PRELID2: variants seen among roughly 807,000 people sequenced by gnomAD.
PRELID2 encodes PRELI domain containing 2, also known as PRELI domain-containing protein 2.
Under a neutral mutation model 28.4 loss-of-function variants are expected in PRELID2, and 25 were observed. The observed-to-expected ratio is 0.88, with a 90% confidence interval of 0.64 to 1.23. The LOEUF (loss-of-function observed/expected upper bound fraction) is 1.23, where lower values mean the gene tolerates loss of function less well. Ranked by LOEUF, PRELID2 falls within the 50% of genes most tolerant of loss-of-function variation. The pLI is 0.00. For synonymous variants in PRELID2, 76 were observed against 71.6 expected (o/e 1.06, Z -0.31); for missense variants, 201 against 214.4 (o/e 0.94, Z 0.39).
chr5:145,426,807 T>G, the PRELID2 span, among the ~76,000 whole-genome samples: 1 of 152,156 alleles, frequency 6.6e-6, no homozygotes, highest in Admixed American at 6.5e-5. Context: ...CCACCTTGAA[T>G]AGAAAGAATA....
intron 1 of PRELID2, among the ~76,000 whole-genome samples, chr5:145,735,935 T>C (rs1756484257): frequency 6.6e-6 from 1 of 152,180 alleles, no homozygotes; most frequent in Non-Finnish European, 1.5e-5. Flanking sequence ...CTCTCTGAAG[T>C]GAGTAGAATT....
At chr5:145,352,317 A>G in the PRELID2 span, among the ~76,000 whole-genome samples, 2 of 152,152 alleles carry the variant, frequency 1.3e-5, no homozygotes, top group South Asian at 4.1e-4. Flanking sequence ...CCAAACCTCA[A>G]TTCTTGACTT....
chr5:145,418,667 C>G, the PRELID2 span, among the ~76,000 whole-genome samples: 11 of 152,272 alleles, frequency 7.2e-5, no homozygotes, highest in African/African-American at 2.4e-4. Context: ...ATAAATGGTG[C>G]TGGGAGAACT....
At chr5:145,796,720 ATAATAT>A (rs1333560122) in intron 4 of PRELID2, among the ~76,000 whole-genome samples, 173 bp from the exon 5 acceptor site, 1 of 152,164 alleles carries the variant, frequency 6.6e-6, no homozygotes, top group African/African-American at 2.4e-5. Flanking sequence ...TATAGTTTAT[ATAATAT>A]TAACAGTCTT....
chr5:145,237,618 A>G, the PRELID2 span, among the ~76,000 whole-genome samples: 1 of 152,096 alleles, frequency 6.6e-6, no homozygotes, highest in South Asian at 2.1e-4. Flanking sequence ...AGCCTTTCAA[A>G]GAAAGAAATA....
intron 1 of PRELID2, among the ~76,000 whole-genome samples, chr5:145,562,335 C>T (rs544178752): frequency 3.3e-4 from 51 of 152,266 alleles, no homozygotes; most frequent in African/African-American, 5.8e-4. Context: ...CCTCCAGTTT[C>T]GCCTAAAATA....
intron 1 of PRELID2, among the ~76,000 whole-genome samples, chr5:145,475,052 A>G (rs1752087842): frequency 6.6e-6 from 1 of 152,234 alleles, no homozygotes; most frequent in African/African-American, 2.4e-5. Flanking sequence ...ACATAGGACA[A>G]GACACACAGA....
At chr5:145,419,741 C>A in the PRELID2 span, among the ~76,000 whole-genome samples, 1 of 152,080 alleles carries the variant, frequency 6.6e-6, no homozygotes, top group Non-Finnish European at 1.5e-5. Context: ...TTAATTAGAT[C>A]CCATTTGTCA....
At chr5:145,442,997 G>GC in the PRELID2 span, among the ~76,000 whole-genome samples, 10 of 151,808 alleles carry the variant, frequency 6.6e-5, no homozygotes, top group African/African-American at 2.2e-4. Context: ...ATGGACAGGC[G>GC]CCCCCCATGT....
At chr5:145,820,450 T>G (rs962654331) in intron 2 of PRELID2, among the ~76,000 whole-genome samples, 6 of 151,868 alleles carry the variant, frequency 4.0e-5, no homozygotes, top group Admixed American at 6.5e-5. Context: ...GTGTCAGTAC[T>G]CCAATGACGA....
chr5:145,740,324 C>G (rs1360985384), intron 1 of PRELID2, among the ~76,000 whole-genome samples: 1 of 69,362 alleles, frequency 1.4e-5, no homozygotes, highest in Admixed American at 1.9e-4. Context: ...ATATATAAAT[C>G]CTAAATGTGT....
At chr5:145,772,859 T>G (rs1469429685) in intron 5 of PRELID2, among the ~76,000 whole-genome samples, 1 of 152,246 alleles carries the variant, frequency 6.6e-6, no homozygotes, top group African/African-American at 2.4e-5. Context: ...AATCTTAATA[T>G]ATGAATCAAT....
At chr5:145,661,735 C>T (rs1000424202) in intron 1 of PRELID2, among the ~76,000 whole-genome samples, 10 of 150,404 alleles carry the variant, frequency 6.6e-5, no homozygotes, top group African/African-American at 2.2e-4. Context: ...ATACATTAGC[C>T]GCCTGAGAAT....
chr5:145,553,138 A>T (rs1340795465), intron 1 of PRELID2, among the ~76,000 whole-genome samples: 3 of 151,952 alleles, frequency 2.0e-5, no homozygotes, highest in African/African-American at 7.2e-5. Context: ...CTTTACAAAA[A>T]GTGATATAAT....
chr5:145,387,609 A>T, the PRELID2 span, among the ~76,000 whole-genome samples: 16 of 152,272 alleles, frequency 1.1e-4, no homozygotes, highest in Middle Eastern at 3.4e-3. Flanking sequence ...TTGACCATAC[A>T]TGGCTTCTAA....
chr5:145,543,501 A>C (rs927945138), intron 1 of PRELID2, among the ~76,000 whole-genome samples: 2 of 152,172 alleles, frequency 1.3e-5, no homozygotes, highest in East Asian at 3.9e-4. Flanking sequence ...ATGTTTATTG[A>C]TACTTATTTG....
intron 1 of PRELID2, among the ~76,000 whole-genome samples, chr5:145,679,562 C>A (rs544089570): frequency 6.6e-6 from 1 of 152,108 alleles, no homozygotes; most frequent in Non-Finnish European, 1.5e-5. Flanking sequence ...GGGCGGAAAT[C>A]TTATTCACCA....
chr5:145,597,340 C>T lies in PRELID2; in HGVS notation n.71-124025G>A, dbSNP rs867133586. 1.3e-4 allele frequency among the ~76,000 whole-genome samples: 20 copies of T among 152,226 alleles called. 3 individuals carry two copies. In the Middle Eastern group the frequency reaches 0.044, roughly 337 times the overall value. On this transcript the variant is annotated intron_variant and non_coding_transcript_variant, in intron 1 of 2. Transcript: ENST00000510259. ...GTCTTACCTATCTGTAGACTTCAAG[C>T]CATATCTAGCCAAAGGTACATGACA...
chr5:145,290,272 A>G, the PRELID2 span, among the ~76,000 whole-genome samples: 1 of 152,174 alleles, frequency 6.6e-6, no homozygotes, highest in Admixed American at 6.5e-5. Flanking sequence ...AGGATTATAA[A>G]TCATGCTGCT....
Sources: allele counts gnomAD v4.1 joint callset (sites outside exome capture counted in the v4.1 genomes callset), GRCh38; gene constraint gnomAD v4.1.1; transcripts MANE v1.5; gene names NCBI Gene and HGNC (gene_info 2026-07-23, HGNC 2026-07-21).